The following MAX variants were observed in gnomAD, a reference collection of about 807,000 sequenced individuals.
MAX encodes the protein MYC associated transcriptional regulator X.
MAX carries 3 observed loss-of-function variants against 22.3 expected under a neutral mutation model. The ratio of observed to expected loss-of-function variants is 0.13; its 90% CI spans 0.06 to 0.35. The LOEUF is 0.35. Among genes scored for constraint, MAX ranks in the 10% least tolerant of loss-of-function variants. MAX has a pLI of 1.00. For synonymous variants in MAX, 72 were observed against 77.7 expected (o/e 0.93, Z 0.39); for missense variants, 119 against 209.4 (o/e 0.57, Z 2.66).
Position 65,075,931 on chromosome 14 carries a change from T to C in MAX, c.*545A>G, listed in dbSNP as rs2063045825. The stretch of plus-strand genomic sequence containing the variant: ...CTTCTCTAAGGATCTGGTCTTTCAA[T>C]AGGAGCGATACATAGCTTTTTAGAA... On this transcript the variant is annotated 3_prime_UTR_variant, in exon 5 of 5. Transcript: ENST00000358664. This position sits in a 1 kb window ranked among gnomAD's most constrained non-coding sequence, Gnocchi z 4.1. 1.9e-6 allele frequency: 2 copies of C among 1,067,954 alleles called. No individual in the cohort carries two copies. Among genetic ancestry groups the C allele is most frequent in the South Asian group, 4.5e-5 (1 of 22,272 alleles). 66.2% of individuals were successfully genotyped at this position (1,067,954 alleles called of 1,614,324 possible). A position where few individuals can be genotyped will look rare whatever the true frequency, so the allele number is the denominator to read the frequency against.
Position 65,076,922 on chromosome 14 carries a change from C to T in MAX, c.296-259G>A, listed in dbSNP as rs776894786. On this transcript the variant is annotated intron_variant, in intron 4 of 4. Coordinates refer to ENST00000358664, the MANE Select transcript of MAX (RefSeq NM_002382.5). The surrounding 1 kb of genome is among the most constrained non-coding windows in gnomAD (Gnocchi z 6.6). Reference sequence around the variant, plus strand: ...CTGAAGAGAAGGCTTGTGATGTCACCGTCCTGCCGTGGAAGCCCCGTGGAG... The same window carrying T: ...CTGAAGAGAAGGCTTGTGATGTCACTGTCCTGCCGTGGAAGCCCCGTGGAG... The T allele has an allele frequency of 2.0e-4, 120 of 590,260 alleles. No individual in the cohort carries two copies. The highest frequency in any genetic ancestry group is 9.0e-4 in the South Asian group (47 of 52,240). 36.6% of individuals were successfully genotyped at this position (590,260 alleles called of 1,614,324 possible).
At chr14:65,091,030 G>A (rs117937273) in intron 3 of MAX, among the ~76,000 whole-genome samples, 84 of 152,286 alleles carry the variant, frequency 5.5e-4, no homozygotes, top group Non-Finnish European at 1.0e-3. Flanking sequence ...GAAACATAAA[G>A]ATGCTTAAGT....
intron 3 of MAX, among the ~76,000 whole-genome samples, chr14:65,046,470 G>A (rs574611952): frequency 6.6e-6 from 1 of 152,334 alleles, no homozygotes; most frequent in Admixed American, 6.5e-5. Flanking sequence ...AGTCTTCCAG[G>A]GGGGCTGCTG....
intron 3 of MAX, among the ~76,000 whole-genome samples, chr14:65,010,619 A>G (rs2061667825): frequency 6.6e-6 from 1 of 152,210 alleles, no homozygotes; most frequent in South Asian, 2.1e-4. Flanking sequence ...ACACATACTG[A>G]CTACCTACTG....
chr14:65,011,423 C>T lies in MAX; in HGVS notation c.172-5139G>A, dbSNP rs1003544305. On this transcript the variant is annotated intron_variant, in intron 3 of 3. Transcript: ENST00000341653. This position sits in a 1 kb window ranked among gnomAD's most constrained non-coding sequence, Gnocchi z 4.0. ...CAGCCTGGGTGACAGAGCGAGACTC[C>T]GTCTCAGGAAAAAAAAAAAAAAAAA... 3.0e-5 allele frequency among the ~76,000 whole-genome samples: 4 copies of T among 133,730 alleles called. No individual in the cohort carries two copies. The highest frequency in any genetic ancestry group is 1.5e-4 in the Admixed American group (2 of 12,904). 87.7% of individuals were successfully genotyped at this position (133,730 alleles called of 152,430 possible).
rs1471205162 is a variant in MAX, at chr14:65,012,016, C to T, written c.172-5732G>A. Among the ~76,000 whole-genome samples the T allele has an allele frequency of 3.3e-5, 5 of 152,192 alleles. No individual in the cohort carries two copies. The highest frequency in any genetic ancestry group is 1.2e-4 in the African/African-American group (5 of 41,440). On this transcript the variant is annotated intron_variant, in intron 3 of 3. Coordinates refer to the MAX transcript ENST00000341653. The surrounding 1 kb of genome is among the most constrained non-coding windows in gnomAD (Gnocchi z 5.0). ...AAGTTTCTGGGTGGACTGTCATTGC[C>T]TGGCTGCGTGTGCTCATTGCGGCTT...
intron 3 of MAX, among the ~76,000 whole-genome samples, chr14:65,086,689 A>G (rs1224547534): frequency 6.6e-6 from 1 of 152,396 alleles, no homozygotes; most frequent in East Asian, 1.9e-4. Context: ...ATTCAGTTTT[A>G]TAAGAGAAGC....
intron 3 of MAX, among the ~76,000 whole-genome samples, chr14:65,016,689 A>C (rs1182336565): frequency 6.6e-6 from 1 of 152,196 alleles, no homozygotes; most frequent in Non-Finnish European, 1.5e-5. Flanking sequence ...ATAACCTCTC[A>C]TTCTTGCCTT....
chr14:65,102,252 C>T (rs2139975420), intron 1 of MAX, 52 bp downstream of exon 1: 1 of 1,610,318 alleles, frequency 6.2e-7, no homozygotes, highest in Non-Finnish European at 8.5e-7. Context: ...GAGCCCCGGC[C>T]GCTGTCCCCG....
intron 3 of MAX, among the ~76,000 whole-genome samples, chr14:65,037,934 G>A (rs1555335967): frequency 6.6e-6 from 1 of 151,348 alleles, no homozygotes; most frequent in South Asian, 2.1e-4. Context: ...CGTGCGCCAC[G>A]ACACCCAGCT....
intron 3 of MAX, among the ~76,000 whole-genome samples, chr14:65,081,271 G>A (rs889181590): frequency 6.6e-6 from 1 of 152,076 alleles, no homozygotes; most frequent in Non-Finnish European, 1.5e-5. Flanking sequence ...CAAGAATTAA[G>A]GCCCAACAAG....
chr14:65,026,715 G>T (rs2061988500), intron 3 of MAX, among the ~76,000 whole-genome samples: 1 of 151,964 alleles, frequency 6.6e-6, no homozygotes, highest in Admixed American at 6.6e-5. Flanking sequence ...ACAAAAAATT[G>T]GCTGGGCGTG....
intron 3 of MAX, among the ~76,000 whole-genome samples, chr14:65,036,460 C>T (rs940688500): frequency 6.6e-6 from 1 of 152,058 alleles, no homozygotes; most frequent in Non-Finnish European, 1.5e-5. Context: ...TGGTCTTAAA[C>T]CCCTGAGCTT....
downstream of MAX, among the ~76,000 whole-genome samples, chr14:65,070,184 C>T (rs1484833763): frequency 6.6e-6 from 1 of 152,174 alleles, no homozygotes; most frequent in Non-Finnish European, 1.5e-5. The surrounding 1 kb of genome is among the most constrained non-coding windows in gnomAD (Gnocchi z 4.4). Context: ...TGGGTTCCTG[C>T]AGAAGTAGGC....
At position 65,042,688 on chromosome 14, in the gene MAX, T is replaced by C. The variant is rs151053686; in HGVS notation, c.172-36404A>G. 4.0e-4 allele frequency among the ~76,000 whole-genome samples: 61 copies of C among 152,324 alleles called. No homozygotes were observed. In the East Asian group the frequency reaches 6.4e-3, roughly 16 times the overall value. On this transcript the variant is annotated intron_variant, in intron 3 of 3. Coordinates refer to the MAX transcript ENST00000341653. Reference sequence around the variant, plus strand: ...AGAAGTAGGACCCATATCTGAAGTATGAATTCCTATAGCCCAAGGAAACAG... The same window carrying C: ...AGAAGTAGGACCCATATCTGAAGTACGAATTCCTATAGCCCAAGGAAACAG...
Position 65,088,273 on chromosome 14 carries a change from T to C in MAX, c.171+5435A>G, listed in dbSNP as rs931754067. 5.3e-5 allele frequency among the ~76,000 whole-genome samples: 8 copies of C among 152,282 alleles called. No individual in the cohort carries two copies. Among genetic ancestry groups the C allele is most frequent in the Admixed American group, 5.2e-4 (8 of 15,290 alleles). On this transcript the variant is annotated intron_variant, in intron 3 of 4. Coordinates refer to ENST00000358664, the MANE Select transcript of MAX (RefSeq NM_002382.5). This position sits in a 1 kb window ranked among gnomAD's most constrained non-coding sequence, Gnocchi z 5.2. ...AGCTGGGTATCTTATTTACAGAACA[T>C]GGAATACCAGTCCTTACCTAAATGG... is the stretch of plus-strand genomic sequence containing the variant.
chr14:65,075,428 T>A lies in MAX; in HGVS notation c.*1048A>T. The A allele has an allele frequency of 9.4e-7, 1 of 1,063,890 alleles. No individual in the cohort carries two copies. Among genetic ancestry groups the A allele is most frequent in the Middle Eastern group, 4.2e-4 (1 of 2,392 alleles). The allele number at this position is 1,063,890 out of a possible 1,614,324, so 65.9% of individuals were successfully genotyped here. On this transcript the variant is annotated 3_prime_UTR_variant, in exon 5 of 5. Transcript: ENST00000358664. This position sits in a 1 kb window ranked among gnomAD's most constrained non-coding sequence, Gnocchi z 4.1. Reference sequence around the variant, plus strand: ...CAGGACAGTAGGAAAGGAAGTGGGATGAGGGCTGGGAAGGGTCCGCACTGG... The same window carrying A: ...CAGGACAGTAGGAAAGGAAGTGGGAAGAGGGCTGGGAAGGGTCCGCACTGG...
rs2062515143 is a variant in MAX at position 65,047,753 on chromosome 14, A to C, written c.172-41469T>G. Among the ~76,000 whole-genome samples, 1 of 152,172 alleles carries C rather than the reference A, an allele frequency of 6.6e-6. No individual in the cohort carries two copies. Among genetic ancestry groups the C allele is most frequent in the Admixed American group, 6.5e-5 (1 of 15,274 alleles). ...GTGCCTATCAAAAGGTTAAGGGTTAAATAATAAAAATCTCTCCAAACAGTA... is the reference window on the plus strand; with the variant it reads ...GTGCCTATCAAAAGGTTAAGGGTTACATAATAAAAATCTCTCCAAACAGTA... On this transcript the variant is annotated intron_variant, in intron 3 of 3. Transcript: ENST00000341653. The surrounding 1 kb of genome is among the most constrained non-coding windows in gnomAD (Gnocchi z 5.2).
At chr14:65,092,598 A>T (rs1024381271) in intron 3 of MAX, among the ~76,000 whole-genome samples, 1 of 152,176 alleles carries the variant, frequency 6.6e-6, no homozygotes, top group Admixed American at 6.5e-5. Flanking sequence ...GGCTTAACCC[A>T]TGGCAAATTC....
Sources: gnomAD v4.1 joint callset for allele counts (sites outside exome capture counted in the v4.1 genomes callset) on GRCh38, gnomAD v4.1.1 for gene constraint, Gnocchi (gnomAD v3.1) non-coding constraint, MANE v1.5 for transcripts, NCBI Gene and HGNC (gene_info 2026-07-23, HGNC 2026-07-21) for gene names.